MTMR8: variants seen among roughly 807,000 people sequenced by gnomAD.
MTMR8 encodes myotubularin related protein 8.
MTMR8 carries 65 observed loss-of-function variants against 39.3 expected under a neutral mutation model. The observed-to-expected ratio is 1.65, with a 90% CI of 1.35 to 2.03. The LOEUF (loss-of-function observed/expected upper bound fraction) is 2.03. MTMR8 is among the 30% of genes most tolerant of loss of function. The probability of loss-of-function intolerance (pLI) is 0.00; values close to 1 mark genes in which losing one functional copy is unlikely to be tolerated. For synonymous variants in MTMR8, 245 were observed against 185.2 expected (o/e 1.32, Z -2.62); for missense variants, 777 against 538.9 (o/e 1.44, Z -4.37).
chrX:64,378,311 C>G (rs1924322767), intron 1 of MTMR8, among the ~76,000 whole-genome samples: 1 of 111,990 alleles, frequency 8.9e-6, no homozygotes, highest in African/African-American at 3.2e-5. Context: ...GCCTCAACCT[C>G]CTGGACTCCA....
At chrX:64,311,437 T>A (rs1035406759) in intron 12 of MTMR8, among the ~76,000 whole-genome samples, 4 of 111,751 alleles carry the variant, frequency 3.6e-5, no homozygotes, top group Non-Finnish European at 7.5e-5. Context: ...TCTCCCATTC[T>A]GTAGGTTGCC....
Position 64,331,585 on chromosome X carries a change from T to C in MTMR8, c.1324A>G (p.Asn442Asp). 1 of 1,210,679 alleles carries C rather than the reference T, an allele frequency of 8.3e-7. No individual in the cohort carries two copies. The highest frequency in any genetic ancestry group is 1.1e-6 in the Non-Finnish European group (1 of 894,884). The change falls in exon 11 of 14, where the codon AAC becomes GAC. Residue 442 changes from asparagine (N) to aspartate (D), a missense_variant. Asn to Asp is a conservative substitution (Grantham distance 23). Transcript: ENST00000374852. ...FSCQFGNFLG[N>D]CQKDREDLRV... is the part of the protein sequence containing the mutation. Reference sequence around the variant, plus strand: ...AGATCTTCCCGATCCTTCTGGCAGTTACCAAGGAAGTTTCCAAACTGGCAG... The same window carrying C: ...AGATCTTCCCGATCCTTCTGGCAGTCACCAAGGAAGTTTCCAAACTGGCAG...
chrX:64,308,320 ATTTTTTTTT>A (rs778962275), intron 12 of MTMR8, among the ~76,000 whole-genome samples: 3 of 69,608 alleles, frequency 4.3e-5, no homozygotes, highest in Non-Finnish European at 7.7e-5. Flanking sequence ...ACGGCTGGCT[ATTTTTTTTT>A]TTTTTTTTTT....
intron 12 of MTMR8, among the ~76,000 whole-genome samples, chrX:64,300,405 C>T (rs1921813996): frequency 9.0e-6 from 1 of 111,159 alleles, no homozygotes; most frequent in Admixed American, 9.6e-5. Context: ...CAAACCCTGC[C>T]TTTTTTTGTT....
intron 1 of MTMR8, among the ~76,000 whole-genome samples, chrX:64,390,190 C>T: frequency 8.9e-6 from 1 of 111,995 alleles, no homozygotes; most frequent in Admixed American, 9.5e-5. Context: ...AGTACAAGGG[C>T]TAATGTAGTT....
At chrX:64,315,730 A>G (rs993321092) in intron 12 of MTMR8, among the ~76,000 whole-genome samples, 1 of 111,606 alleles carries the variant, frequency 9.0e-6, no homozygotes, top group Non-Finnish European at 1.9e-5. Flanking sequence ...ATTTACATTT[A>G]AGATAATTAT....
chrX:64,345,142 C>T lies in MTMR8; in HGVS notation c.768G>A (p.Gly256=), dbSNP rs150753625. ...NAMANRAAGK[G]YENEDNYANI... Reference sequence around the variant, plus strand: ...TGGCATAGTTGTCTTCATTTTCATACCCCTTCCCAGCTGCTCGGTTGGCCA... The same window carrying T: ...TGGCATAGTTGTCTTCATTTTCATATCCCTTCCCAGCTGCTCGGTTGGCCA... The change falls in exon 7 of 14, where the codon GGG becomes GGA. Residue 256 remains glycine, a synonymous_variant. Coordinates refer to ENST00000374852, the MANE Select transcript of MTMR8 (RefSeq NM_017677.4). The T allele has an allele frequency of 8.3e-7, 1 of 1,211,156 alleles. No homozygotes were observed. The highest frequency in any genetic ancestry group is 1.7e-5 in the African/African-American group (1 of 57,767).
At chrX:64,366,222 C>A (rs1923950339) in intron 1 of MTMR8, among the ~76,000 whole-genome samples, 1 of 111,372 alleles carries the variant, frequency 9.0e-6, no homozygotes, top group Non-Finnish European at 1.9e-5. Context: ...AAAAGGATAT[C>A]CAGGACTTGA....
intron 1 of MTMR8, among the ~76,000 whole-genome samples, chrX:64,378,968 T>C (rs748612093): frequency 5.4e-5 from 6 of 111,843 alleles, no homozygotes; most frequent in Admixed American, 9.5e-5. Context: ...TGATCCCATG[T>C]ACATTAAAAG....
rs145085079 is a variant in MTMR8 at position 64,356,301 on chromosome X, G to A, written c.185C>T (p.Pro62Leu). ...LHHIATVEKL[P>L]ITSLGCPLTL... ...CAGGGGACAACCCAGGCTAGTGATG[G>A]GTAACTTCTCCACAGTGGCAATGTG... Residue 62 changes from proline (P) to leucine (L), a missense_variant, in exon 3 of 14, where the codon CCC becomes CTC. Pro to Leu is a moderately conservative substitution (Grantham distance 98). Transcript: ENST00000374852. 6.1e-4 allele frequency: 740 copies of A among 1,206,143 alleles called. 1 individual carries two copies. The highest frequency in any genetic ancestry group is 8.0e-4 in the Non-Finnish European group (713 of 893,915).
At chrX:64,391,140 C>A (rs767178034) in intron 1 of MTMR8, among the ~76,000 whole-genome samples, 7 of 112,343 alleles carry the variant, frequency 6.2e-5, no homozygotes, top group Non-Finnish European at 1.3e-4. Flanking sequence ...ACTTATAAAG[C>A]TTTAGTAGCT....
In MTMR8 at chrX:64,331,841, C is replaced by T; in HGVS notation, c.1152-84G>A. The T allele has an allele frequency of 6.0e-6, 5 of 835,872 alleles. 1 individual carries two copies. In the South Asian group the frequency reaches 1.2e-4, roughly 21 times the overall value. 68.9% of individuals were successfully genotyped at this position (835,872 alleles called of 1,213,427 possible). A position where few individuals can be genotyped will look rare whatever the true frequency, so the allele number is the denominator to read the frequency against. On this transcript the variant is annotated intron_variant, in intron 10 of 13. Transcript: ENST00000374852. ...TGGGAATAGGCTGTAAGAGGGTCAT[C>T]TTTTGTCTCTGTTGGTAGTGGCAAG...
chrX:64,300,793 A>G (rs1207142543), intron 12 of MTMR8, among the ~76,000 whole-genome samples: 2 of 105,454 alleles, frequency 1.9e-5, no homozygotes, highest in Admixed American at 2.1e-4. Flanking sequence ...ATCTCTCAGC[A>G]TTTGCTTGTC....
chrX:64,326,359 A>G (rs948390660), intron 12 of MTMR8, among the ~76,000 whole-genome samples: 1 of 112,031 alleles, frequency 8.9e-6, no homozygotes, highest in Admixed American at 9.5e-5. Context: ...AATTCAGTAA[A>G]GTTGCAAGAT....
chrX:64,374,015 A>C (rs1403809078), intron 1 of MTMR8, among the ~76,000 whole-genome samples: 1 of 112,142 alleles, frequency 8.9e-6, no homozygotes, highest in Non-Finnish European at 1.9e-5. Flanking sequence ...AACTAAAGCT[A>C]GATTTAATTC....
intron 8 of MTMR8, among the ~76,000 whole-genome samples, chrX:64,340,166 C>T (rs1362092525): frequency 1.8e-5 from 2 of 110,936 alleles, no homozygotes; most frequent in Non-Finnish European, 3.8e-5. Context: ...GCTACACCAC[C>T]CGGTCTTGGT....
chrX:64,296,508 G>A (rs747179251), intron 12 of MTMR8, among the ~76,000 whole-genome samples: 78 of 109,431 alleles, frequency 7.1e-4, no homozygotes, highest in African/African-American at 2.6e-3. Flanking sequence ...AAATACCATG[G>A]GGCCAGAGGA....
At chrX:64,290,515 T>A (rs1359336836) in intron 12 of MTMR8, among the ~76,000 whole-genome samples, 2 of 110,719 alleles carry the variant, frequency 1.8e-5, no homozygotes, top group Non-Finnish European at 3.8e-5. Context: ...TGCAGTACAA[T>A]ATCACAACCA....
At chrX:64,274,927 G>T (rs771911257) in intron 12 of MTMR8, among the ~76,000 whole-genome samples, 2 of 111,517 alleles carry the variant, frequency 1.8e-5, no homozygotes, top group Non-Finnish European at 3.8e-5. Flanking sequence ...GGAGATGTTG[G>T]CCAAAGGGTA....
Sources: gnomAD v4.1 joint callset for allele counts (sites outside exome capture counted in the v4.1 genomes callset) on GRCh38, gnomAD v4.1.1 for gene constraint, MANE v1.5 for transcripts, NCBI Gene and HGNC (gene_info 2026-07-23, HGNC 2026-07-21) for gene names.